Variants in MAN1C1 observed in about 807,000 individuals in gnomAD.
MAN1C1 encodes mannosyl-oligosaccharide 1,2-alpha-mannosidase IC.
A neutral mutation model predicts 71.5 loss-of-function variants in MAN1C1; 49 were observed. The ratio of observed to expected loss-of-function variants is 0.69; its 90% CI spans 0.54 to 0.87. MAN1C1 has a LOEUF of 0.87. Ranked by LOEUF, MAN1C1 falls within the 40% of genes least tolerant of loss-of-function variation. The probability of loss-of-function intolerance (pLI) is 0.00; values close to 1 mark genes in which losing one functional copy is unlikely to be tolerated. For synonymous variants in MAN1C1, 352 were observed against 343.7 expected, an observed-to-expected ratio of 1.02 and a Z score of -0.27; for missense variants, 743 against 835.0, an observed-to-expected ratio of 0.89 and a Z score of 1.36.
chr1:25,659,780 C>A (rs1173099369), intron 1 of MAN1C1, among the ~76,000 whole-genome samples: 2 of 151,982 alleles, frequency 1.3e-5, no homozygotes, highest in Non-Finnish European at 2.9e-5. Flanking sequence ...TTAATAATAG[C>A]CATTCTTTAA....
At chr1:25,768,269 CACATACA>C (rs2047481394) in intron 7 of MAN1C1, among the ~76,000 whole-genome samples, 1 of 3,170 alleles carries the variant, frequency 3.2e-4, no homozygotes, top group Non-Finnish European at 7.5e-4. Context: ...TCACACACAT[CACATACA>C]TCCACACTCC....
intron 1 of MAN1C1, among the ~76,000 whole-genome samples, chr1:25,663,814 C>T (rs1458772371): frequency 6.6e-6 from 1 of 152,122 alleles, no homozygotes; most frequent in African/African-American, 2.4e-5. Context: ...CTGTCCTGGC[C>T]CTGCGGGTTC....
intron 2 of MAN1C1, among the ~76,000 whole-genome samples, chr1:25,718,037 C>T (rs548098717): frequency 6.6e-6 from 1 of 151,950 alleles, no homozygotes; most frequent in Non-Finnish European, 1.5e-5. Context: ...TAGCCATTCC[C>T]CCATTCTTTC....
Position 25,746,820 on chromosome 1 carries a change from G to GGGCGGGC in MAN1C1, c.753+38_753+39insGCGGGCG. The GGGCGGGC allele has an allele frequency of 1.0e-6, 1 of 965,734 alleles. No individual in the cohort carries two copies. The highest frequency in any genetic ancestry group is 2.8e-5 in the East Asian group (1 of 35,982). The allele number at this position is 965,734 out of a possible 1,614,324, so 59.8% of individuals were successfully genotyped here. On this transcript the variant is annotated intron_variant, in intron 3 of 11. Transcript: ENST00000374332. This position sits in a 1 kb window ranked among gnomAD's most constrained non-coding sequence, Gnocchi z 4.0. Reference sequence around the variant, plus strand: ...GCCCTCGGCGGGGGAGGGGGGCGGGGGCCAGAAGAGGCCCAACAGCCAGCT... The same window carrying GGGCGGGC: ...GCCCTCGGCGGGGGAGGGGGGCGGGGGGCGGGCGCCAGAAGAGGCCCAACAGCCAGCT...
At chr1:25,766,637 A>G (rs2047430728) in intron 7 of MAN1C1, among the ~76,000 whole-genome samples, 1 of 152,154 alleles carries the variant, frequency 6.6e-6, no homozygotes, top group Non-Finnish European at 1.5e-5. Context: ...GACCCGTCCT[A>G]TTGCTAAGAG....
intron 2 of MAN1C1, among the ~76,000 whole-genome samples, chr1:25,733,614 TG>T (rs1458548837): frequency 6.6e-6 from 1 of 152,106 alleles, no homozygotes; most frequent in Middle Eastern, 3.2e-3. Context: ...GATGTGTCTC[TG>T]TGTGTCTTTC....
chr1:25,733,089 C>T (rs959486976), intron 2 of MAN1C1, among the ~76,000 whole-genome samples: 1 of 152,212 alleles, frequency 6.6e-6, no homozygotes, highest in Non-Finnish European at 1.5e-5. Flanking sequence ...CTCACATGCC[C>T]TGTGGTCTTG....
intron 2 of MAN1C1, among the ~76,000 whole-genome samples, chr1:25,689,400 G>A (rs2046277069): frequency 1.3e-5 from 2 of 152,154 alleles, no homozygotes; most frequent in South Asian, 4.1e-4. Context: ...GAGTTTTTCT[G>A]TAAATTGGAA....
intron 2 of MAN1C1, among the ~76,000 whole-genome samples, chr1:25,713,814 A>G (rs1441683733): frequency 6.6e-6 from 1 of 152,200 alleles, no homozygotes; most frequent in Non-Finnish European, 1.5e-5. Flanking sequence ...ACACAGCACC[A>G]GAGTTTGGAC....
At position 25,735,703 on chromosome 1, in the gene MAN1C1, C is replaced by T. The variant is rs2046974095; in HGVS notation, c.638-10965C>T. Among the ~76,000 whole-genome samples, 1 of 152,138 alleles carries T rather than the reference C, an allele frequency of 6.6e-6. No homozygotes were observed. Among genetic ancestry groups the T allele is most frequent in the South Asian group, 2.1e-4 (1 of 4,830 alleles). ...GGAATTTGGTTTATCTAGGCTGCAT[C>T]TAGCTAGATCCAAGTCTGCTCTGCA... On this transcript the variant is annotated intron_variant, in intron 2 of 11. Transcript: ENST00000374332. The surrounding 1 kb of genome is among the most constrained non-coding windows in gnomAD (Gnocchi z 4.6).
intron 1 of MAN1C1, among the ~76,000 whole-genome samples, chr1:25,642,818 G>A (rs565675585): frequency 1.4e-4 from 22 of 152,288 alleles, no homozygotes; most frequent in South Asian, 4.1e-4. Context: ...CTCCGAGGCC[G>A]CTGGCTGCAG....
chr1:25,659,451 AG>A (rs1443678408), intron 1 of MAN1C1, among the ~76,000 whole-genome samples: 2 of 152,248 alleles, frequency 1.3e-5, no homozygotes, highest in African/African-American at 4.8e-5. Context: ...TCTTCCCTCC[AG>A]GAACTGAGCA....
At chr1:25,766,285 G>A (rs2124383077) in intron 7 of MAN1C1, among the ~76,000 whole-genome samples, 1 of 152,122 alleles carries the variant, frequency 6.6e-6, no homozygotes, top group Admixed American at 6.5e-5. Flanking sequence ...CCAAACGTCT[G>A]CCTTCCTCCT....
At chr1:25,686,381 A>T in intron 1 of MAN1C1, 59 bp from the exon 2 acceptor site, 1 of 1,418,770 alleles carries the variant, frequency 7.0e-7, no homozygotes, top group South Asian at 1.2e-5. Context: ...CCAGGCGGCC[A>T]GTGCGCACTG....
chr1:25,711,366 T>C lies in MAN1C1; in HGVS notation c.637+24830T>C, dbSNP rs1233057243. On this transcript the variant is annotated intron_variant, in intron 2 of 11. Transcript: ENST00000374332. The surrounding 1 kb of genome is among the most constrained non-coding windows in gnomAD (Gnocchi z 4.3). The stretch of plus-strand genomic sequence containing the variant: ...TAGGACACCAGGAACATTTTTGCCT[T>C]CTATCACACCAGACTCCTTCCCACT... Among the ~76,000 whole-genome samples the C allele has an allele frequency of 2.6e-5, 4 of 152,110 alleles. No individual in the cohort carries two copies. Among genetic ancestry groups the C allele is most frequent in the Non-Finnish European group, 5.9e-5 (4 of 68,020 alleles).
In MAN1C1 at chr1:25,772,086, G is replaced by C. The variant is rs1263096812; in HGVS notation, c.1257+314G>C. 1.6e-5 allele frequency: 5 copies of C among 311,690 alleles called. No individual in the cohort carries two copies. The East Asian group carries it at 3.9e-4, about 25-fold the overall frequency. The allele number at this position is 311,690 out of a possible 1,614,324, so 19.3% of individuals were successfully genotyped here. A position where few individuals can be genotyped will look rare whatever the true frequency, so the allele number is the denominator to read the frequency against. ...ATTCAGAAACCACCACCTGCTTGGT[G>C]TCTATGCTTTGGCTGATGTATCAGA... On this transcript the variant is annotated intron_variant, in intron 8 of 11. Coordinates refer to ENST00000374332, the MANE Select transcript of MAN1C1 (RefSeq NM_020379.4).
chr1:25,678,098 C>T (rs1052042467), intron 1 of MAN1C1, among the ~76,000 whole-genome samples: 4 of 151,862 alleles, frequency 2.6e-5, no homozygotes, highest in Non-Finnish European at 5.9e-5. Context: ...CAGACATAAC[C>T]GCTGTTAAGA....
At chr1:25,632,240 G>A (rs552263892) in intron 1 of MAN1C1, among the ~76,000 whole-genome samples, 1 of 152,154 alleles carries the variant, frequency 6.6e-6, no homozygotes, top group Admixed American at 6.5e-5. Flanking sequence ...TAGGAGGGTT[G>A]TATGTTTCCA....
chr1:25,693,971 G>A (rs1029347259), intron 2 of MAN1C1, among the ~76,000 whole-genome samples: 5 of 152,210 alleles, frequency 3.3e-5, no homozygotes, highest in African/African-American at 1.2e-4. Flanking sequence ...TAAAATGTAG[G>A]CTGCTGTGAT....
Sources: allele counts gnomAD v4.1 joint callset (sites outside exome capture counted in the v4.1 genomes callset), GRCh38; gene constraint gnomAD v4.1.1; non-coding constraint Gnocchi (gnomAD v3.1); transcripts MANE v1.5; gene names NCBI Gene and HGNC (gene_info 2026-07-23, HGNC 2026-07-21).